HNF4G: variants seen among roughly 807,000 people sequenced by gnomAD.
HNF4G encodes hepatocyte nuclear factor 4 gamma, also known as hepatocyte nuclear factor 4-gamma.
In HNF4G, 21 loss-of-function variants were observed where a neutral mutation model predicts 50.9. The observed-to-expected ratio is 0.41, with a 90% CI of 0.29 to 0.59. The LOEUF (loss-of-function observed/expected upper bound fraction) is 0.59. HNF4G is among the 20% of genes least tolerant of loss of function. The pLI, the probability that HNF4G is intolerant of heterozygous loss-of-function variation, is 0.26. For synonymous variants in HNF4G, 198 were observed against 185.6 expected (o/e 1.07, Z -0.54); for missense variants, 527 against 559.4 (o/e 0.94, Z 0.58).
intron 1 of HNF4G, among the ~76,000 whole-genome samples, chr8:75,457,138 A>G (rs1320581938): frequency 1.3e-5 from 2 of 152,240 alleles, no homozygotes; most frequent in Non-Finnish European, 2.9e-5. Flanking sequence ...TCATTTACCA[A>G]GCATCTGAAG....
At chr8:75,469,300 A>G (rs1812061685) in intron 1 of HNF4G, among the ~76,000 whole-genome samples, 1 of 152,190 alleles carries the variant, frequency 6.6e-6, no homozygotes, top group South Asian at 2.1e-4. Context: ...TACCCCACCC[A>G]CAGTGGGAGG....
chr8:75,550,117 T>C (rs949785070), intron 3 of HNF4G, among the ~76,000 whole-genome samples: 2 of 152,176 alleles, frequency 1.3e-5, no homozygotes, highest in Non-Finnish European at 2.9e-5. Flanking sequence ...TGGATTTCTT[T>C]AACAAAAGCA....
intron 1 of HNF4G, among the ~76,000 whole-genome samples, chr8:75,474,799 G>A (rs1335052103): frequency 1.3e-5 from 2 of 151,804 alleles, no homozygotes; most frequent in Non-Finnish European, 2.9e-5. Context: ...CCAGATTCAC[G>A]CCATTCTCCT....
intron 1 of HNF4G, among the ~76,000 whole-genome samples, chr8:75,475,675 T>C (rs1437771660): frequency 1.3e-5 from 2 of 152,204 alleles, no homozygotes; most frequent in South Asian, 2.1e-4. Flanking sequence ...TCAGTTATAT[T>C]GATAAGCACT....
chr8:75,480,267 A>G (rs1585880892), intron 1 of HNF4G, among the ~76,000 whole-genome samples: 2 of 152,202 alleles, frequency 1.3e-5, no homozygotes, highest in Non-Finnish European at 2.9e-5. Context: ...CCCTTCTTTG[A>G]GCAGCGCACA....
At chr8:75,556,105 G>C in intron 6 of HNF4G, 36 bp downstream of exon 6, 1 of 1,171,788 alleles carries the variant, frequency 8.5e-7, no homozygotes, top group Non-Finnish European at 1.2e-6. Flanking sequence ...AAGAAATTAT[G>C]CATATTTTAT....
chr8:75,428,442 A>C (rs1810935602), intron 1 of HNF4G, among the ~76,000 whole-genome samples: 1 of 152,204 alleles, frequency 6.6e-6, no homozygotes, highest in African/African-American at 2.4e-5. Flanking sequence ...GCTTCCAGCT[A>C]CAGTAAAGGT....
intron 1 of HNF4G, among the ~76,000 whole-genome samples, chr8:75,422,660 G>T (rs112378140): frequency 6.7e-6 from 1 of 149,800 alleles, no homozygotes; most frequent in African/African-American, 2.5e-5. Flanking sequence ...TTGAGACGGA[G>T]TCTCACTCTG....
At chr8:75,418,160 A>T (rs1021754591) in intron 1 of HNF4G, among the ~76,000 whole-genome samples, 1 of 152,068 alleles carries the variant, frequency 6.6e-6, no homozygotes, top group African/African-American at 2.4e-5. Context: ...TGGCTTGCAG[A>T]TGGCTGCTTC....
chr8:75,487,195 T>C (rs1210019233), intron 1 of HNF4G, among the ~76,000 whole-genome samples: 4 of 152,202 alleles, frequency 2.6e-5, no homozygotes, highest in East Asian at 3.8e-4. Context: ...TTTTGCCAAC[T>C]TGCAGACAGG....
In HNF4G at chr8:75,541,346, C is replaced by G. The variant is rs77660413; in HGVS notation, c.118+1266C>G. Among the ~76,000 whole-genome samples the G allele has an allele frequency of 8.2e-3, 1,253 of 152,132 alleles. 63 individuals are homozygous for G. The East Asian group carries it at 0.15, about 19-fold the overall frequency. ...TGTAAGTATGGCACTAAACTTGAAG[C>G]AAGAGTTGAATTTTTCATATTTCTA... is the stretch of plus-strand genomic sequence containing the variant. On this transcript the variant is annotated intron_variant, in intron 1 of 9. Transcript: ENST00000396423.
At chr8:75,410,143 T>C (rs2130456318) in intron 1 of HNF4G, among the ~76,000 whole-genome samples, 1 of 152,334 alleles carries the variant, frequency 6.6e-6, no homozygotes, top group African/African-American at 2.4e-5. Flanking sequence ...GATTTTTCAA[T>C]TTCTAAGTAT....
chr8:75,519,039 A>G (rs1344470461), intron 2 of HNF4G, among the ~76,000 whole-genome samples: 1 of 152,164 alleles, frequency 6.6e-6, no homozygotes, highest in Non-Finnish European at 1.5e-5. Flanking sequence ...TTTTAGCAAT[A>G]CCCAAGTTAC....
At chr8:75,429,940 A>C (rs1378109249) in intron 1 of HNF4G, among the ~76,000 whole-genome samples, 1 of 152,162 alleles carries the variant, frequency 6.6e-6, no homozygotes, top group Non-Finnish European at 1.5e-5. Context: ...TCACGAGATC[A>C]GGAGAACGAG....
chr8:75,420,487 C>T (rs1227641780), intron 1 of HNF4G, among the ~76,000 whole-genome samples: 2 of 152,164 alleles, frequency 1.3e-5, no homozygotes, highest in Admixed American at 6.5e-5. Flanking sequence ...CTCTTTGACC[C>T]CTGAAGTTTT....
intron 1 of HNF4G, among the ~76,000 whole-genome samples, chr8:75,425,689 C>T (rs1810876855): frequency 6.6e-6 from 1 of 151,210 alleles, no homozygotes; most frequent in Non-Finnish European, 1.5e-5. Context: ...GGGCTCCTAA[C>T]CAGGCAAAGA....
At chr8:75,448,438 A>AT (rs1325956814) in intron 1 of HNF4G, among the ~76,000 whole-genome samples, 12 of 83,344 alleles carry the variant, frequency 1.4e-4, no homozygotes, top group African/African-American at 4.0e-4. Flanking sequence ...AAAAAAAAAA[A>AT]AAAAAAGTGT....
At chr8:75,513,456 A>T (rs76584856) in intron 2 of HNF4G, among the ~76,000 whole-genome samples, 7,384 of 152,284 alleles carry the variant, frequency 0.048, 193 homozygotes, top group African/African-American at 0.058. Context: ...TTGTTTAGGA[A>T]AATTGCCATA....
intron 2 of HNF4G, among the ~76,000 whole-genome samples, chr8:75,545,165 G>C (rs558042766): frequency 6.6e-6 from 1 of 151,874 alleles, no homozygotes; most frequent in Non-Finnish European, 1.5e-5. Context: ...TTGTATGAAT[G>C]TTTCTAAACT....
Sources: allele counts gnomAD v4.1 joint callset (sites outside exome capture counted in the v4.1 genomes callset), GRCh38; gene constraint gnomAD v4.1.1; transcripts MANE v1.5; gene names NCBI Gene and HGNC (gene_info 2026-07-23, HGNC 2026-07-21).